Variants in LOC122539214 observed in about 807,000 individuals in gnomAD.
At chr19:52,653,626 G>A in the LOC122539214 span, among the ~76,000 whole-genome samples, 1 of 152,132 alleles carries the variant, frequency 6.6e-6, no homozygotes, top group Non-Finnish European at 1.5e-5. Flanking sequence ...CTGACTGAAG[G>A]TCTTACCACA....
At chr19:52,680,848 G>A in the LOC122539214 span, among the ~76,000 whole-genome samples, 11 of 150,954 alleles carry the variant, frequency 7.3e-5, no homozygotes, top group East Asian at 2.2e-3. Context: ...TCCTGACCTC[G>A]TGATCCGCCC....
the LOC122539214 span, among the ~76,000 whole-genome samples, chr19:52,680,858 C>T: frequency 4.0e-5 from 6 of 151,220 alleles, no homozygotes; most frequent in Admixed American, 6.6e-5. Context: ...GTGATCCGCC[C>T]GCCTCGGCCT....
chr19:52,661,622 C>T, the LOC122539214 span, among the ~76,000 whole-genome samples: 17 of 152,136 alleles, frequency 1.1e-4, no homozygotes, highest in African/African-American at 4.1e-4. Flanking sequence ...GCCTGAGAAA[C>T]CTAATGTGAA....
the LOC122539214 span, among the ~76,000 whole-genome samples, chr19:52,676,515 C>T: frequency 6.6e-6 from 1 of 150,762 alleles, no homozygotes; most frequent in Non-Finnish European, 1.5e-5. Flanking sequence ...GGGCAGCCCC[C>T]GCCCGGCCAG....
chr19:52,652,650 C>T, the LOC122539214 span: 1 of 524,452 alleles, frequency 1.9e-6, no homozygotes, highest in Non-Finnish European at 3.7e-6. Context: ...TGTAAGATCT[C>T]TCTTCATTAT....
At chr19:52,669,466 T>C in the LOC122539214 span, among the ~76,000 whole-genome samples, 1 of 152,164 alleles carries the variant, frequency 6.6e-6, no homozygotes, top group Admixed American at 6.6e-5. Flanking sequence ...GCTGAGCAAT[T>C]AGGGGCTACC....
At chr19:52,688,020 C>T in the LOC122539214 span, among the ~76,000 whole-genome samples, 42 of 152,050 alleles carry the variant, frequency 2.8e-4, no homozygotes, top group Non-Finnish European at 4.9e-4. Context: ...ACAGAATGTA[C>T]ATGTCTCATA....
the LOC122539214 span, chr19:52,652,443 A>G: frequency 2.5e-6 from 1 of 394,520 alleles, no homozygotes; most frequent in Non-Finnish European, 5.0e-6. Flanking sequence ...TGAAAAAAGA[A>G]AAAAAAATGA....
At chr19:52,652,498 CT>C in the LOC122539214 span, 1 of 446,902 alleles carries the variant, frequency 2.2e-6, no homozygotes, top group South Asian at 1.7e-5. Flanking sequence ...CATATGAATT[CT>C]CCTGTGTTTT....
the LOC122539214 span, among the ~76,000 whole-genome samples, chr19:52,689,393 A>G: frequency 3.1e-4 from 47 of 150,914 alleles, no homozygotes; most frequent in East Asian, 7.8e-4. Context: ...TTATACCCTC[A>G]TCCCCACTCT....
chr19:52,672,260 A>G, the LOC122539214 span, among the ~76,000 whole-genome samples: 12 of 152,192 alleles, frequency 7.9e-5, no homozygotes, highest in Non-Finnish European at 1.8e-4. Flanking sequence ...AAATAAAATG[A>G]AATTATAAAT....
chr19:52,660,774 C>T, the LOC122539214 span: 1 of 214,094 alleles, frequency 4.7e-6, no homozygotes, highest in African/African-American at 2.3e-5. Flanking sequence ...GAGGAAGAGC[C>T]ATCCTTGTCT....
the LOC122539214 span, among the ~76,000 whole-genome samples, chr19:52,687,589 T>C: frequency 3.4e-5 from 2 of 58,456 alleles, 1 homozygote; most frequent in Non-Finnish European, 5.9e-5. Flanking sequence ...TATATATATA[T>C]ATATATAATG....
At chr19:52,690,132 G>T in the LOC122539214 span, among the ~76,000 whole-genome samples, 1 of 151,836 alleles carries the variant, frequency 6.6e-6, no homozygotes, top group Non-Finnish European at 1.5e-5. Context: ...CACTTCGCGG[G>T]TGAGGACGTT....
At chr19:52,681,928 A>G in the LOC122539214 span, among the ~76,000 whole-genome samples, 1 of 152,170 alleles carries the variant, frequency 6.6e-6, no homozygotes, top group African/African-American at 2.4e-5. Flanking sequence ...GCTCACTGCA[A>G]CCTCGTTTGC....
chr19:52,660,448 GTC>G, the LOC122539214 span, among the ~76,000 whole-genome samples: 3 of 151,976 alleles, frequency 2.0e-5, no homozygotes, highest in Admixed American at 2.0e-4. Flanking sequence ...GTGAAATCCT[GTC>G]TCTATTAAAA....
chr19:52,657,967 T>C, the LOC122539214 span, among the ~76,000 whole-genome samples: 2 of 151,450 alleles, frequency 1.3e-5, no homozygotes, highest in Admixed American at 1.3e-4. Flanking sequence ...AGAAACTCTG[T>C]CTCTACTAAA....
chr19:52,689,457 C>T, the LOC122539214 span, among the ~76,000 whole-genome samples: 1 of 152,056 alleles, frequency 6.6e-6, no homozygotes, highest in Admixed American at 6.5e-5. Context: ...CCTCTGTTCT[C>T]CTTGCCACCA....
the LOC122539214 span, among the ~76,000 whole-genome samples, chr19:52,666,398 A>C: frequency 6.6e-6 from 1 of 151,924 alleles, no homozygotes; most frequent in Non-Finnish European, 1.5e-5. Context: ...CTCCAATACC[A>C]CCCTGTTGTC....
Sources: gnomAD v4.1 joint callset for allele counts (sites outside exome capture counted in the v4.1 genomes callset) on GRCh38, gnomAD v4.1.1 for gene constraint, MANE v1.5 for transcripts.